Variants in ZNF652 observed in about 807,000 individuals in gnomAD.
ZNF652 encodes the protein zinc finger protein 652.
ZNF652 carries 16 observed loss-of-function variants against 45.2 expected under a neutral mutation model. The observed-to-expected ratio is 0.35, with a 90% confidence interval of 0.24 to 0.54. ZNF652 has a LOEUF of 0.54. ZNF652 is among the 20% of genes least tolerant of loss of function. The probability of loss-of-function intolerance (pLI) is 0.91; values close to 1 mark genes in which losing one functional copy is unlikely to be tolerated. For missense variants in ZNF652, 614 were observed against 765.6 expected (o/e 0.80, Z 2.34); for synonymous variants, 250 against 260.6 (o/e 0.96, Z 0.39).
intron 1 of ZNF652, among the ~76,000 whole-genome samples, chr17:49,352,733 C>T (rs1450902711): frequency 6.6e-6 from 1 of 152,168 alleles, no homozygotes; most frequent in African/African-American, 2.4e-5. Context: ...AGCCAAATGT[C>T]CCTCAAATGG....
intron 1 of ZNF652, among the ~76,000 whole-genome samples, chr17:49,359,191 T>C (rs1185941084): frequency 6.6e-6 from 1 of 152,150 alleles, no homozygotes. Flanking sequence ...AACTTTGAAA[T>C]GGTTTGGGTT....
rs1264028579 is a variant in ZNF652, at chr17:49,290,354, T to G, written c.*8059A>C. The G allele has an allele frequency of 6.6e-6, 1 of 152,162 alleles. No individual in the cohort carries two copies. The highest frequency in any genetic ancestry group is 1.5e-5 in the Non-Finnish European group (1 of 68,076). The allele number at this position is 152,162 out of a possible 1,614,324, so 9.4% of individuals were successfully genotyped here. On this transcript the variant is annotated 3_prime_UTR_variant, in exon 6 of 6. Coordinates refer to ENST00000430262, the MANE Select transcript of ZNF652 (RefSeq NM_001145365.3). The stretch of plus-strand genomic sequence containing the variant: ...TGGCCAGAGAGCTGATGACCACGGA[T>G]AGGAGCCCTTAGACAAGTAACTGAC...
At chr17:49,302,683 C>T (rs942383738) in intron 5 of ZNF652, among the ~76,000 whole-genome samples, 8 of 151,050 alleles carry the variant, frequency 5.3e-5, no homozygotes, top group South Asian at 2.2e-4. Context: ...TACATGAGGA[C>T]GGGTGTGGTG....
rs539138531 is a variant in ZNF652 at position 49,352,555 on chromosome 17, T to A, written c.-259+9354A>T. Among the ~76,000 whole-genome samples the A allele has an allele frequency of 2.4e-4, 36 of 152,314 alleles. 1 individual carries two copies. In the South Asian group the frequency reaches 7.5e-3, roughly 32 times the overall value. On this transcript the variant is annotated intron_variant, in intron 1 of 5. Coordinates refer to ENST00000430262, the MANE Select transcript of ZNF652 (RefSeq NM_001145365.3). ...AAGTAGAATTTTTATGTCTTTCCAG[T>A]AGGGATGTAGAAACAATTTGGTAAT...
chr17:49,356,318 T>C (rs113762008), intron 1 of ZNF652, among the ~76,000 whole-genome samples: 214 of 145,940 alleles, frequency 1.5e-3, no homozygotes, highest in African/African-American at 5.2e-3. Context: ...TCCCAGCTAC[T>C]TGGGGGAGGC....
intron 1 of ZNF652, among the ~76,000 whole-genome samples, chr17:49,327,773 ATATATATTTT>A (rs1845202518): frequency 1.8e-3 from 5 of 2,840 alleles, no homozygotes; most frequent in African/African-American, 7.8e-3. Flanking sequence ...ATATATATAT[ATATATATTTT>A]TTTTTTTTTT....
At chr17:49,308,515 T>C (rs1218196553) in intron 5 of ZNF652, among the ~76,000 whole-genome samples, 1 of 152,024 alleles carries the variant, frequency 6.6e-6, no homozygotes, top group Non-Finnish European at 1.5e-5. Flanking sequence ...GATAAAAATT[T>C]GGGGGACTGG....
Position 49,298,072 on chromosome 17 carries a change from TGAG to T in ZNF652, c.*338_*340del, listed in dbSNP as rs2069499437. ...AAGGAAACCAGGCCTATCCCCTCTTTGAGGAGAAGTCTGGGATATAAAAGCAAG... is the reference window on the plus strand; with the variant it reads ...AAGGAAACCAGGCCTATCCCCTCTTTGAGAAGTCTGGGATATAAAAGCAAG... On this transcript the variant is annotated 3_prime_UTR_variant, in exon 6 of 6. Coordinates refer to ENST00000430262, the MANE Select transcript of ZNF652 (RefSeq NM_001145365.3). 3.6e-6 allele frequency: 1 copy of T among 277,814 alleles called. No homozygotes were observed. Among genetic ancestry groups the T allele is most frequent in the African/African-American group, 2.2e-5 (1 of 44,530 alleles). 17.2% of individuals were successfully genotyped at this position (277,814 alleles called of 1,614,324 possible).
intron 5 of ZNF652, among the ~76,000 whole-genome samples, chr17:49,303,050 C>G (rs1218501704): frequency 6.7e-6 from 1 of 150,266 alleles, no homozygotes; most frequent in Non-Finnish European, 1.5e-5. Flanking sequence ...AACAGGCCAG[C>G]CACAGTGGCT....
At chr17:49,348,511 AAAG>A (rs372339716) in intron 1 of ZNF652, among the ~76,000 whole-genome samples, 45 of 128,724 alleles carry the variant, frequency 3.5e-4, no homozygotes, top group African/African-American at 1.0e-3. Flanking sequence ...AAAGAAAAGA[AAAG>A]AAAAGAAAAG....
chr17:49,312,873 T>C, intron 2 of ZNF652, 28 bp from the exon 3 acceptor site: 1 of 1,605,332 alleles, frequency 6.2e-7, no homozygotes, highest in Non-Finnish European at 8.5e-7. Context: ...AAATAATATT[T>C]ATAGGGGCTT....
chr17:49,299,032 T>A, intron 5 of ZNF652, 108 bp from the exon 6 acceptor site: 1 of 1,228,666 alleles, frequency 8.1e-7, no homozygotes, highest in Non-Finnish European at 1.1e-6. Context: ...ATCAGGCTGG[T>A]CTCGAACTCC....
chr17:49,299,982 C>T (rs2069530215), intron 5 of ZNF652, among the ~76,000 whole-genome samples: 1 of 151,980 alleles, frequency 6.6e-6, no homozygotes, highest in African/African-American at 2.4e-5. Context: ...TAAGGCCCTG[C>T]CCTGTAAGCA....
chr17:49,301,051 A>G (rs145662416), intron 5 of ZNF652, among the ~76,000 whole-genome samples: 12 of 152,276 alleles, frequency 7.9e-5, no homozygotes, highest in African/African-American at 2.9e-4. Flanking sequence ...TTACTTTCTC[A>G]TCTACTTTGG....
At chr17:49,341,550 G>C (rs1224808988) in intron 1 of ZNF652, among the ~76,000 whole-genome samples, 1 of 149,350 alleles carries the variant, frequency 6.7e-6, no homozygotes, top group East Asian at 2.0e-4. Context: ...AATAGTCCCA[G>C]CTACTCAGGA....
In ZNF652 at chr17:49,323,892, T is replaced by C. The variant is rs1160745435; in HGVS notation, c.-258-5909A>G. On this transcript the variant is annotated intron_variant, in intron 1 of 5. Coordinates refer to ENST00000430262, the MANE Select transcript of ZNF652 (RefSeq NM_001145365.3). ...GCTTTGTTGTTTCATTTCTAGCACATAGGCTGAGTAGATTTAGCATCACTC... is the reference window on the plus strand; with the variant it reads ...GCTTTGTTGTTTCATTTCTAGCACACAGGCTGAGTAGATTTAGCATCACTC... Among the ~76,000 whole-genome samples, 9 of 152,320 alleles carry C rather than the reference T, an allele frequency of 5.9e-5. No homozygotes were observed. The East Asian group carries it at 7.7e-4, about 13-fold the overall frequency.
At chr17:49,350,996 TATATATATATATATATATACACAC>T (rs1486263486) in intron 1 of ZNF652, among the ~76,000 whole-genome samples, 30 of 22,028 alleles carry the variant, frequency 1.4e-3, no homozygotes, top group African/African-American at 5.2e-3. Context: ...TATATATATA[TATATATATATATATATATACACAC>T]ACACACACAC....
intron 1 of ZNF652, among the ~76,000 whole-genome samples, chr17:49,356,516 T>C (rs893307174): frequency 6.7e-6 from 1 of 149,632 alleles, no homozygotes; most frequent in Non-Finnish European, 1.5e-5. Context: ...TAGCAAAACG[T>C]ATGACAGTAA....
chr17:49,305,415 C>T (rs2069615604), intron 5 of ZNF652, among the ~76,000 whole-genome samples: 1 of 151,748 alleles, frequency 6.6e-6, no homozygotes, highest in Non-Finnish European at 1.5e-5. Context: ...CCACTGCACT[C>T]CAGCCTGGGT....
Sources: gnomAD v4.1 joint callset for allele counts (sites outside exome capture counted in the v4.1 genomes callset) on GRCh38, gnomAD v4.1.1 for gene constraint, MANE v1.5 for transcripts, NCBI Gene and HGNC (gene_info 2026-07-23, HGNC 2026-07-21) for gene names.